CCDC148: variants seen among roughly 807,000 people sequenced by gnomAD.
CCDC148 encodes coiled-coil domain-containing protein 148.
In CCDC148, 89 loss-of-function variants were observed where a neutral mutation model predicts 85.7. That is an observed-to-expected ratio of 1.04 (90% CI 0.87 to 1.24). The LOEUF is 1.24. CCDC148 is among the 50% of genes most tolerant of loss of function. The pLI is 0.00. For missense variants in CCDC148, 692 were observed against 671.7 expected (o/e 1.03, Z -0.33); for synonymous variants, 230 against 213.9 (o/e 1.08, Z -0.66).
intron 1 of CCDC148, among the ~76,000 whole-genome samples, chr2:158,448,342 T>G (rs1688246798): frequency 6.8e-6 from 1 of 146,360 alleles, no homozygotes; most frequent in African/African-American, 2.5e-5. Flanking sequence ...GTATTTCCAT[T>G]TTATTTTTTT....
At chr2:158,307,773 A>G (rs959000107) in intron 9 of CCDC148, among the ~76,000 whole-genome samples, 2 of 152,250 alleles carry the variant, frequency 1.3e-5, no homozygotes, top group Non-Finnish European at 2.9e-5. Flanking sequence ...CAAGAAGTAC[A>G]AAGGACTATA....
intron 7 of CCDC148, among the ~76,000 whole-genome samples, chr2:158,335,693 G>T (rs1336800504): frequency 6.6e-6 from 1 of 152,046 alleles, no homozygotes; most frequent in Non-Finnish European, 1.5e-5. Flanking sequence ...TCTCCACCTG[G>T]CCCCACCCTT....
intron 10 of CCDC148, among the ~76,000 whole-genome samples, chr2:158,227,004 G>C (rs1469245022): frequency 6.6e-6 from 1 of 152,112 alleles, no homozygotes; most frequent in African/African-American, 2.4e-5. Context: ...TAGGAAAAGA[G>C]GAAGTCAAAT....
At chr2:158,388,832 C>T (rs895011406) in intron 1 of CCDC148, among the ~76,000 whole-genome samples, 1 of 152,050 alleles carries the variant, frequency 6.6e-6, no homozygotes, top group African/African-American at 2.4e-5. Flanking sequence ...GTAATACTTT[C>T]TAGAGTTGTG....
intron 1 of CCDC148, among the ~76,000 whole-genome samples, chr2:158,380,515 G>A (rs1480838254): frequency 6.6e-6 from 1 of 152,076 alleles, no homozygotes; most frequent in Non-Finnish European, 1.5e-5. Context: ...CTTAAATGGT[G>A]GAAAAGACTC....
chr2:158,197,874 C>T (rs1411785849), intron 11 of CCDC148, among the ~76,000 whole-genome samples: 1 of 151,928 alleles, frequency 6.6e-6, no homozygotes, highest in Non-Finnish European at 1.5e-5. Flanking sequence ...TAAATGCATT[C>T]ATTAACTGGT....
intron 1 of CCDC148, among the ~76,000 whole-genome samples, chr2:158,424,388 TA>T (rs1686968850): frequency 2.0e-5 from 3 of 151,954 alleles, no homozygotes; most frequent in Non-Finnish European, 4.4e-5. Flanking sequence ...TATGCAGCCA[TA>T]AAAAAGGATG....
intron 8 of CCDC148, among the ~76,000 whole-genome samples, chr2:158,313,463 C>A (rs149564092): frequency 1.9e-4 from 29 of 152,280 alleles, no homozygotes; most frequent in African/African-American, 6.7e-4. Context: ...GTATGGACAT[C>A]CAGGAGTCAA....
intron 2 of CCDC148, among the ~76,000 whole-genome samples, chr2:158,349,539 TA>T (rs571123566): frequency 3.3e-5 from 5 of 151,794 alleles, no homozygotes; most frequent in Non-Finnish European, 3.0e-5. Context: ...TTCAGGACAT[TA>T]AAAAAAACTT....
At chr2:158,212,776 C>A (rs1348232314) in intron 11 of CCDC148, among the ~76,000 whole-genome samples, 1 of 152,048 alleles carries the variant, frequency 6.6e-6, no homozygotes, top group African/African-American at 2.4e-5. Context: ...AAATAACACG[C>A]AAAATTTTTA....
chr2:158,240,927 A>T (rs1326873753), intron 10 of CCDC148, among the ~76,000 whole-genome samples: 1 of 152,214 alleles, frequency 6.6e-6, no homozygotes, highest in East Asian at 1.9e-4. Context: ...CTATAGCAAA[A>T]CTAATCACTT....
At chr2:158,404,648 T>C (rs1181521449) in intron 1 of CCDC148, among the ~76,000 whole-genome samples, 1 of 152,172 alleles carries the variant, frequency 6.6e-6, no homozygotes. Context: ...TCCTATGTGG[T>C]GCCTTTAGCA....
At chr2:158,229,156 C>A (rs62176894) in intron 10 of CCDC148, among the ~76,000 whole-genome samples, 53,949 of 151,748 alleles carry the variant, frequency 0.36, 11,459 homozygotes, top group South Asian at 0.6. Flanking sequence ...TAGGGAACTT[C>A]CTCTTCCTCC....
chr2:158,277,665 C>T (rs908149425), intron 9 of CCDC148, among the ~76,000 whole-genome samples: 6 of 139,810 alleles, frequency 4.3e-5, no homozygotes, highest in East Asian at 4.4e-4. Context: ...GGCGTGATCT[C>T]GCCTCACTGT....
intron 11 of CCDC148, among the ~76,000 whole-genome samples, chr2:158,203,767 T>C (rs1237613109): frequency 6.6e-6 from 1 of 152,104 alleles, no homozygotes; most frequent in African/African-American, 2.4e-5. Context: ...AGATAGCAAG[T>C]TCAACATCAG....
chr2:158,184,704 TG>T (rs1685072784), intron 11 of CCDC148, among the ~76,000 whole-genome samples: 1 of 152,118 alleles, frequency 6.6e-6, no homozygotes, highest in South Asian at 2.1e-4. Context: ...GCCCAAGTAC[TG>T]TATTTTGTTG....
intron 11 of CCDC148, among the ~76,000 whole-genome samples, chr2:158,218,709 T>C (rs993614865): frequency 6.6e-6 from 1 of 152,224 alleles, no homozygotes; most frequent in African/African-American, 2.4e-5. Flanking sequence ...CCCTTTAGTA[T>C]TTAGCTGTTT....
chr2:158,340,090 G>A, intron 5 of CCDC148, 152 bp downstream of exon 5: 1 of 570,916 alleles, frequency 1.8e-6, no homozygotes. Context: ...AATATTTAGT[G>A]GATAGAATTA....
chr2:158,288,979 T>C (rs1574555575), intron 9 of CCDC148: 1 of 244,058 alleles, frequency 4.1e-6, no homozygotes, highest in East Asian at 1.4e-4. Context: ...AAACCCCTGA[T>C]AAATCCATCA....
Sources: gnomAD v4.1 joint callset for allele counts (sites outside exome capture counted in the v4.1 genomes callset) on GRCh38, gnomAD v4.1.1 for gene constraint, MANE v1.5 for transcripts, NCBI Gene and HGNC (gene_info 2026-07-23, HGNC 2026-07-21) for gene names.